SMOC2: variants seen among roughly 807,000 people sequenced by gnomAD.
SMOC2 encodes SPARC related modular calcium binding 2, also known as SPARC-related modular calcium-binding protein 2.
In SMOC2, 39 loss-of-function variants were observed where a neutral mutation model predicts 61.4. That is an observed-to-expected ratio of 0.64 (90% CI 0.49 to 0.83). The LOEUF is 0.83. Ranked by LOEUF, SMOC2 falls within the 40% of genes least tolerant of loss-of-function variation. The probability of loss-of-function intolerance (pLI) is 0.00; values close to 1 mark genes in which losing one functional copy is unlikely to be tolerated. For synonymous variants in SMOC2, 247 were observed against 239.9 expected, an observed-to-expected ratio of 1.03 and a Z score of -0.27; for missense variants, 556 against 592.9, an observed-to-expected ratio of 0.94 and a Z score of 0.65.
chr6:168,666,640 A>T lies in SMOC2; in HGVS notation c.*202A>T. ...TGGCTTCAGAAAATTAATCACATAC[A>T]ATGTATGTGTCCTCTTTTGACCTTG... On this transcript the variant is annotated 3_prime_UTR_variant, in exon 13 of 13. Coordinates refer to ENST00000356284, the MANE Select transcript of SMOC2 (RefSeq NM_001166412.2). 6.5e-6 allele frequency: 4 copies of T among 618,750 alleles called. No homozygotes were observed. Among genetic ancestry groups the T allele is most frequent in the South Asian group, 6.3e-5 (3 of 47,868 alleles). The allele number at this position is 618,750 out of a possible 1,614,324, so 38.3% of individuals were successfully genotyped here.
intron 9 of SMOC2, among the ~76,000 whole-genome samples, chr6:168,624,548 G>A (rs1400061871): frequency 1.6e-5 from 2 of 127,940 alleles, no homozygotes; most frequent in Non-Finnish European, 3.5e-5. Flanking sequence ...ATAGACACAT[G>A]CACACACACA....
intron 9 of SMOC2, among the ~76,000 whole-genome samples, chr6:168,618,200 G>A (rs1049032800): frequency 1.1e-4 from 16 of 152,226 alleles, no homozygotes; most frequent in Admixed American, 5.2e-4. Flanking sequence ...TTTTAAACGC[G>A]AGGCCTCCGT....
In SMOC2 at chr6:168,608,204, A is replaced by G; in HGVS notation, c.872A>G (p.Lys291Arg). 2 of 1,613,784 alleles carry G rather than the reference A, an allele frequency of 1.2e-6. No homozygotes were observed. The highest frequency in any genetic ancestry group is 1.7e-6 in the Non-Finnish European group (2 of 1,179,928). Residue 291 changes from lysine to arginine, a missense_variant, in exon 9 of 13, where the codon AAA becomes AGA. By Grantham distance (26) the Lys-to-Arg change is conservative. Coordinates refer to ENST00000356284, the MANE Select transcript of SMOC2 (RefSeq NM_001166412.2). ...CDNTARAHPAKARDLYKGRQL... is the reference protein window; with the variant it reads ...CDNTARAHPARARDLYKGRQL... ...AACACGGCCAGGGCCCACCCAGCCA[A>G]AGCCCGGGACCTGTACAAGGGCCGC...
chr6:168,562,784 C>T (rs540777996), intron 7 of SMOC2, among the ~76,000 whole-genome samples: 1 of 152,138 alleles, frequency 6.6e-6, no homozygotes, highest in Non-Finnish European at 1.5e-5. Flanking sequence ...GGTCCTGCCC[C>T]GGGAGAGCGT....
intron 9 of SMOC2, among the ~76,000 whole-genome samples, chr6:168,648,977 GTGGT>G (rs1787120635): frequency 1.3e-5 from 2 of 152,088 alleles, no homozygotes; most frequent in African/African-American, 4.8e-5. Flanking sequence ...TGACCCAGGG[GTGGT>G]CCACGCCAAC....
intron 10 of SMOC2, among the ~76,000 whole-genome samples, chr6:168,652,041 CA>C (rs34341178): frequency 0.4 from 51,471 of 129,004 alleles, 10,780 homozygotes; most frequent in Non-Finnish European, 0.51. Context: ...AACTCTGTCT[CA>C]AAAAAAAAAA....
chr6:168,479,737 T>C (rs1782167014), intron 1 of SMOC2, among the ~76,000 whole-genome samples: 1 of 152,186 alleles, frequency 6.6e-6, no homozygotes, highest in South Asian at 2.1e-4. Flanking sequence ...GTGCTGTGAA[T>C]GTTGATTGCA....
chr6:168,574,422 G>A (rs10945519), intron 7 of SMOC2, among the ~76,000 whole-genome samples: 6,446 of 152,320 alleles, frequency 0.042, 173 homozygotes, highest in Non-Finnish European at 0.063. Flanking sequence ...GGCAGCACAG[G>A]GGAGAGGTCG....
At chr6:168,469,478 G>A (rs1044163292) in intron 1 of SMOC2, among the ~76,000 whole-genome samples, 7 of 152,194 alleles carry the variant, frequency 4.6e-5, no homozygotes, top group Non-Finnish European at 1.0e-4. Flanking sequence ...TTGAACTTCA[G>A]GGATCAATAG....
chr6:168,478,664 G>A (rs981994124), intron 1 of SMOC2, among the ~76,000 whole-genome samples: 2 of 152,204 alleles, frequency 1.3e-5, no homozygotes, highest in Non-Finnish European at 2.9e-5. Flanking sequence ...GCTGCCATGG[G>A]AGAGAGACAA....
At chr6:168,581,142 C>T (rs1784908112) in intron 7 of SMOC2, among the ~76,000 whole-genome samples, 1 of 152,180 alleles carries the variant, frequency 6.6e-6, no homozygotes, top group Non-Finnish European at 1.5e-5. Context: ...CCTGCCCCCA[C>T]ACCTGGTCTG....
chr6:168,645,345 T>C (rs1786995528), intron 9 of SMOC2, among the ~76,000 whole-genome samples: 1 of 152,200 alleles, frequency 6.6e-6, no homozygotes, highest in Non-Finnish European at 1.5e-5. Flanking sequence ...TTTTCTATGA[T>C]ACATTCTTAA....
At chr6:168,486,594 G>A (rs1782345614) in intron 1 of SMOC2, among the ~76,000 whole-genome samples, 1 of 150,170 alleles carries the variant, frequency 6.7e-6, no homozygotes. Context: ...TTTGGAGTTG[G>A]CTCTGATGAC....
At chr6:168,500,750 G>A (rs1782708385) in intron 1 of SMOC2, among the ~76,000 whole-genome samples, 1 of 152,182 alleles carries the variant, frequency 6.6e-6, no homozygotes, top group African/African-American at 2.4e-5. Context: ...TGGGCTTAGA[G>A]TCCATGCCCA....
At chr6:168,473,183 G>A (rs1782002673) in intron 1 of SMOC2, among the ~76,000 whole-genome samples, 1 of 152,164 alleles carries the variant, frequency 6.6e-6, no homozygotes, top group South Asian at 2.1e-4. Flanking sequence ...GTGGGATCAG[G>A]GCTGAGACCA....
In SMOC2 at chr6:168,598,974, C is replaced by T. The variant is rs777443867; in HGVS notation, c.794C>T (p.Thr265Met). 20 of 1,611,236 alleles carry T rather than the reference C, an allele frequency of 1.2e-5. No homozygotes were observed. The highest frequency in any genetic ancestry group is 2.2e-5 in the East Asian group (1 of 44,788). ...TGYCWCVLVD[T>M]GRPIPGTSTR... ...TACTGCTGGTGCGTCCTGGTGGACA[C>T]GGGGCGCCCCATTCCCGGCACATCC... Residue 265 changes from threonine (T) to methionine (M), a missense_variant, in exon 8 of 13, where the codon ACG (threonine) becomes ATG (methionine). Transcript: ENST00000356284.
intron 7 of SMOC2, among the ~76,000 whole-genome samples, chr6:168,560,426 G>T (rs1172689223): frequency 6.6e-6 from 1 of 152,218 alleles, no homozygotes; most frequent in Non-Finnish European, 1.5e-5. Context: ...AGTCTTCAAG[G>T]TCATATTTAT....
At chr6:168,529,331 A>AT (rs1783530066) in intron 4 of SMOC2, among the ~76,000 whole-genome samples, 1 of 152,182 alleles carries the variant, frequency 6.6e-6, no homozygotes, top group Admixed American at 6.5e-5. Context: ...GTAGGAAGCC[A>AT]GGCGTGCGAG....
chr6:168,594,011 A>G (rs1226195534), intron 7 of SMOC2, among the ~76,000 whole-genome samples: 1 of 37,930 alleles, frequency 2.6e-5, no homozygotes, highest in African/African-American at 8.9e-5. Context: ...CCTCACGGGC[A>G]TCTTTCTAGA....
Sources: gnomAD v4.1 joint callset for allele counts (sites outside exome capture counted in the v4.1 genomes callset) on GRCh38, gnomAD v4.1.1 for gene constraint, MANE v1.5 for transcripts, NCBI Gene and HGNC (gene_info 2026-07-23, HGNC 2026-07-21) for gene names.